MIS18A: variants seen among roughly 807,000 people sequenced by gnomAD.
MIS18A encodes the protein protein Mis18-alpha.
In MIS18A, 14 loss-of-function variants were observed where a neutral mutation model predicts 25.0. The ratio of observed to expected loss-of-function variants is 0.56; its 90% CI spans 0.37 to 0.88. The LOEUF (loss-of-function observed/expected upper bound fraction) is 0.88. Among genes scored for constraint, MIS18A ranks in the 40% least tolerant of loss-of-function variants. The pLI is 0.00. For synonymous variants in MIS18A, 134 were observed against 118.6 expected (o/e 1.13, Z -0.84); for missense variants, 292 against 290.8 (o/e 1.00, Z -0.03).
the MIS18A span, among the ~76,000 whole-genome samples, chr21:32,258,820 C>T: frequency 4.6e-5 from 7 of 151,872 alleles, no homozygotes; most frequent in East Asian, 7.7e-4. Flanking sequence ...CTGGATGAGG[C>T]GTGAGGGTCT....
the MIS18A span, among the ~76,000 whole-genome samples, chr21:32,215,316 C>T: frequency 6.6e-6 from 1 of 152,114 alleles, no homozygotes; most frequent in Non-Finnish European, 1.5e-5. Context: ...GTTTTTCCAC[C>T]AAAATTTACA....
chr21:32,165,864 T>C, the MIS18A span, among the ~76,000 whole-genome samples: 2 of 152,200 alleles, frequency 1.3e-5, no homozygotes, highest in African/African-American at 4.8e-5. Context: ...AAAAATATCT[T>C]TTTAGTGTCT....
intron 2 of MIS18A, among the ~76,000 whole-genome samples, chr21:32,271,052 G>A (rs2031706185): frequency 6.6e-6 from 1 of 152,146 alleles, no homozygotes; most frequent in South Asian, 2.1e-4. Flanking sequence ...TCTAAAGTTA[G>A]ATGACAACCC....
At chr21:32,204,707 TGAAA>T in the MIS18A span, among the ~76,000 whole-genome samples, 2 of 151,686 alleles carry the variant, frequency 1.3e-5, no homozygotes, top group Admixed American at 6.6e-5. Flanking sequence ...GCCAACATGG[TGAAA>T]CCCTGTCTCT....
At chr21:32,194,489 G>A in the MIS18A span, among the ~76,000 whole-genome samples, 40,148 of 151,744 alleles carry the variant, frequency 0.26, 7,205 homozygotes, top group African/African-American at 0.51. Context: ...CAGAAACCCT[G>A]TCTCTACTAA....
At chr21:32,214,467 A>G in the MIS18A span, among the ~76,000 whole-genome samples, 1 of 152,110 alleles carries the variant, frequency 6.6e-6, no homozygotes, top group Non-Finnish European at 1.5e-5. Flanking sequence ...ATACATATGT[A>G]TGGTTGACTA....
chr21:32,273,444 A>T (rs1195232834), intron 2 of MIS18A, among the ~76,000 whole-genome samples: 5 of 151,992 alleles, frequency 3.3e-5, no homozygotes, highest in Non-Finnish European at 7.4e-5. Context: ...CCCCAGCCAC[A>T]GTCACCTCAT....
At position 32,268,871 on chromosome 21, in the gene MIS18A, G is replaced by T; in HGVS notation, c.*166C>A. ...AGTGGCATGACCAAGGCTCACTGCA[G>T]CCTCAACCTCCCAAGCTCATCTGAT... On this transcript the variant is annotated 3_prime_UTR_variant, in exon 5 of 5. Transcript: ENST00000290130. The T allele has an allele frequency of 2.1e-6, 1 of 487,678 alleles. No individual in the cohort carries two copies. The highest frequency in any genetic ancestry group is 3.7e-6 in the Non-Finnish European group (1 of 269,784). The allele number at this position is 487,678 out of a possible 1,614,324, so 30.2% of individuals were successfully genotyped here.
chr21:32,235,495 T>G, the MIS18A span, among the ~76,000 whole-genome samples: 7 of 152,172 alleles, frequency 4.6e-5, no homozygotes, highest in Non-Finnish European at 8.8e-5. Context: ...GAGGTTCTGC[T>G]TCAGGGAACC....
At chr21:32,212,783 G>A in the MIS18A span, among the ~76,000 whole-genome samples, 1 of 152,186 alleles carries the variant, frequency 6.6e-6, no homozygotes, top group Admixed American at 6.5e-5. Context: ...AGTCTAATGA[G>A]AGTTGACGGT....
At chr21:32,224,487 GACAA>G in the MIS18A span, among the ~76,000 whole-genome samples, 1 of 149,804 alleles carries the variant, frequency 6.7e-6, no homozygotes, top group Non-Finnish European at 1.5e-5. Flanking sequence ...ACCAGCAACA[GACAA>G]ACAGAGAGCC....
the MIS18A span, among the ~76,000 whole-genome samples, chr21:32,186,035 C>T: frequency 1.0e-4 from 14 of 140,284 alleles, no homozygotes; most frequent in Non-Finnish European, 7.5e-5. Context: ...AAGGTAAGCT[C>T]TGGGTGACTG....
chr21:32,238,674 G>T, the MIS18A span, among the ~76,000 whole-genome samples: 1 of 152,112 alleles, frequency 6.6e-6, no homozygotes, highest in Non-Finnish European at 1.5e-5. Flanking sequence ...GCCCTTGTTT[G>T]TGTGGTCCAT....
the MIS18A span, among the ~76,000 whole-genome samples, chr21:32,185,590 A>G: frequency 6.6e-6 from 1 of 152,046 alleles, no homozygotes; most frequent in East Asian, 1.9e-4. Context: ...ATTCATTCTC[A>G]ATTAGTGTAG....
At chr21:32,222,580 A>G in the MIS18A span, among the ~76,000 whole-genome samples, 1 of 152,226 alleles carries the variant, frequency 6.6e-6, no homozygotes, top group South Asian at 2.1e-4. Flanking sequence ...AACAAGAATC[A>G]TAAAAAACAG....
At chr21:32,199,495 C>A in the MIS18A span, among the ~76,000 whole-genome samples, 3 of 152,090 alleles carry the variant, frequency 2.0e-5, no homozygotes, top group Non-Finnish European at 4.4e-5. Flanking sequence ...CCACAGAATG[C>A]CCTAGCAGCT....
the MIS18A span, among the ~76,000 whole-genome samples, chr21:32,193,061 G>C: frequency 2.6e-5 from 4 of 152,134 alleles, no homozygotes; most frequent in Admixed American, 6.5e-5. Context: ...GACAGCAAAG[G>C]TTCCATGCCC....
the MIS18A span, among the ~76,000 whole-genome samples, chr21:32,235,285 T>A: frequency 6.6e-6 from 1 of 152,136 alleles, no homozygotes; most frequent in African/African-American, 2.4e-5. Context: ...ACTAATAAAG[T>A]CCAGCCCTCT....
the MIS18A span, among the ~76,000 whole-genome samples, chr21:32,219,778 A>G: frequency 6.6e-6 from 1 of 152,180 alleles, no homozygotes; most frequent in East Asian, 1.9e-4. Context: ...GGGATGCTCA[A>G]GCTTGGTGAG....
Sources: gnomAD v4.1 joint callset for allele counts (sites outside exome capture counted in the v4.1 genomes callset) on GRCh38, gnomAD v4.1.1 for gene constraint, MANE v1.5 for transcripts, NCBI Gene and HGNC (gene_info 2026-07-23, HGNC 2026-07-21) for gene names.